AGBL4: variants seen among roughly 807,000 people sequenced by gnomAD.
AGBL4 encodes cytosolic carboxypeptidase 6.
A neutral mutation model predicts 66.4 loss-of-function variants in AGBL4; 58 were observed. The ratio of observed to expected loss-of-function variants is 0.87; its 90% CI spans 0.71 to 1.09. The LOEUF is 1.09. Among genes scored for constraint, AGBL4 ranks in the 50% least tolerant of loss-of-function variants. The pLI, the probability that AGBL4 is intolerant of heterozygous loss-of-function variation, is 0.00. For missense variants in AGBL4, 579 were observed against 631.0 expected, an observed-to-expected ratio of 0.92 and a Z score of 0.88; for synonymous variants, 234 against 222.9, an observed-to-expected ratio of 1.05 and a Z score of -0.44.
At chr1:48,790,305 T>C (rs972581669) in intron 6 of AGBL4, among the ~76,000 whole-genome samples, 5 of 152,004 alleles carry the variant, frequency 3.3e-5, no homozygotes, top group African/African-American at 1.2e-4. Flanking sequence ...CTGAGAAAAC[T>C]TGTGAGGGTT....
chr1:49,933,862 G>A (rs1169935740), intron 1 of AGBL4, among the ~76,000 whole-genome samples: 1 of 152,002 alleles, frequency 6.6e-6, no homozygotes, highest in African/African-American at 2.4e-5. Context: ...GAGGAAAAAA[G>A]AAACACAATC....
chr1:49,434,975 T>G (rs1056125209), intron 3 of AGBL4, among the ~76,000 whole-genome samples: 1 of 152,100 alleles, frequency 6.6e-6, no homozygotes, highest in African/African-American at 2.4e-5. Context: ...AGTTCTTCTT[T>G]CCACCTGGAA....
intron 6 of AGBL4, among the ~76,000 whole-genome samples, chr1:48,803,161 C>T (rs1220074723): frequency 1.3e-5 from 2 of 152,220 alleles, no homozygotes. Flanking sequence ...AGCATCTCCT[C>T]TTGTGTAGAG....
chr1:49,085,604 C>G (rs952447031), intron 4 of AGBL4, among the ~76,000 whole-genome samples: 1 of 151,698 alleles, frequency 6.6e-6, no homozygotes, highest in Non-Finnish European at 1.5e-5. Flanking sequence ...GGGCAATCAT[C>G]GAGAAACCAT....
At chr1:49,687,818 T>G (rs996566437) in intron 3 of AGBL4, among the ~76,000 whole-genome samples, 22 of 152,058 alleles carry the variant, frequency 1.4e-4, no homozygotes, top group African/African-American at 4.6e-4. Flanking sequence ...TATGTTCATG[T>G]TTGCCACACT....
At chr1:48,841,497 C>T (rs1285498140) in intron 6 of AGBL4, among the ~76,000 whole-genome samples, 3 of 146,820 alleles carry the variant, frequency 2.0e-5, no homozygotes, top group African/African-American at 7.5e-5. Context: ...TTTCTAAAGC[C>T]AGAGCAGCGA....
At chr1:49,764,825 G>A (rs1039086457) in intron 2 of AGBL4, among the ~76,000 whole-genome samples, 1 of 152,114 alleles carries the variant, frequency 6.6e-6, no homozygotes, top group Admixed American at 6.5e-5. Flanking sequence ...CCACTCCCAT[G>A]GAGAGTCGCA....
At chr1:49,123,147 C>T (rs2148049874) in intron 4 of AGBL4, among the ~76,000 whole-genome samples, 1 of 152,298 alleles carries the variant, frequency 6.6e-6, no homozygotes, top group Admixed American at 6.5e-5. Flanking sequence ...GCCACTGCGC[C>T]CAGCCCTGTT....
At chr1:48,886,589 G>A (rs977443812) in intron 5 of AGBL4, among the ~76,000 whole-genome samples, 1 of 152,046 alleles carries the variant, frequency 6.6e-6, no homozygotes, top group African/African-American at 2.4e-5. Context: ...GTCTCACTCT[G>A]TTGCCCAAGC....
chr1:48,552,012 A>AT (rs935613005), intron 11 of AGBL4, among the ~76,000 whole-genome samples: 2 of 152,168 alleles, frequency 1.3e-5, no homozygotes, highest in Admixed American at 1.3e-4. Context: ...TTCAGACCAC[A>AT]TTAGGCAGGT....
At chr1:49,894,339 G>A (rs1161651927) in intron 1 of AGBL4, among the ~76,000 whole-genome samples, 1 of 152,002 alleles carries the variant, frequency 6.6e-6, no homozygotes, top group Non-Finnish European at 1.5e-5. Flanking sequence ...AAGCATCAAG[G>A]ACATCAAGGA....
chr1:49,786,241 A>C (rs985590191), intron 2 of AGBL4, among the ~76,000 whole-genome samples: 3 of 152,174 alleles, frequency 2.0e-5, no homozygotes, highest in African/African-American at 7.2e-5. Context: ...GGCTGAGATC[A>C]AACTATGTAT....
chr1:48,700,214 G>C (rs984246158), intron 6 of AGBL4, among the ~76,000 whole-genome samples: 2 of 152,130 alleles, frequency 1.3e-5, no homozygotes, highest in Admixed American at 1.3e-4. Context: ...CCTCCATTTT[G>C]GCTCCCAGGA....
chr1:48,996,571 C>T (rs1477606742), intron 5 of AGBL4, among the ~76,000 whole-genome samples: 1 of 152,044 alleles, frequency 6.6e-6, no homozygotes, highest in Non-Finnish European at 1.5e-5. Flanking sequence ...GCTATGAGAT[C>T]CAATAACATG....
intron 5 of AGBL4, among the ~76,000 whole-genome samples, chr1:48,978,868 A>T (rs1318298753): frequency 1.3e-5 from 2 of 152,166 alleles, no homozygotes; most frequent in Admixed American, 1.3e-4. Context: ...CAATCTTTAA[A>T]ATAAATTTGT....
At chr1:48,920,551 A>G (rs752964565) in intron 5 of AGBL4, among the ~76,000 whole-genome samples, 2 of 152,220 alleles carry the variant, frequency 1.3e-5, no homozygotes, top group Admixed American at 1.3e-4. Context: ...TTCAGGTGTG[A>G]TATTTACATA....
chr1:49,298,629 C>T (rs914583104), intron 3 of AGBL4, among the ~76,000 whole-genome samples: 2 of 137,620 alleles, frequency 1.5e-5, no homozygotes, highest in Non-Finnish European at 3.0e-5. Context: ...GCCTCTCCTT[C>T]CTCCCTCCCT....
At position 49,825,797 on chromosome 1, in the gene AGBL4, T is replaced by C. The variant is rs1645493974; in HGVS notation, c.157+25599A>G. On this transcript the variant is annotated intron_variant, in intron 2 of 13. Transcript: ENST00000371839. ...TAACCTGCTGGCCCACTCTGCAGAC[T>C]TGCCACCTTTCATAAACATGTGAGC... 2.0e-5 allele frequency among the ~76,000 whole-genome samples: 3 copies of C among 152,012 alleles called. No individual in the cohort carries two copies. In the South Asian group the frequency reaches 6.2e-4, roughly 32 times the overall value.
intron 1 of AGBL4, among the ~76,000 whole-genome samples, chr1:49,870,049 T>A (rs912699602): frequency 6.6e-6 from 1 of 152,192 alleles, no homozygotes. Context: ...ATATTGCATA[T>A]GTGTATCAAA....
Sources: gnomAD v4.1 joint callset for allele counts (sites outside exome capture counted in the v4.1 genomes callset) on GRCh38, gnomAD v4.1.1 for gene constraint, MANE v1.5 for transcripts, NCBI Gene and HGNC (gene_info 2026-07-23, HGNC 2026-07-21) for gene names.